The following MACROD2 variants were observed in gnomAD, a reference collection of about 807,000 sequenced individuals.
MACROD2 encodes the protein mono-ADP ribosylhydrolase 2.
MACROD2 carries 36 observed loss-of-function variants against 70.4 expected under a neutral mutation model. The observed-to-expected ratio is 0.51, with a 90% CI of 0.39 to 0.68. The LOEUF (loss-of-function observed/expected upper bound fraction) is 0.68. MACROD2 is among the 30% of genes least tolerant of loss of function. MACROD2 has a pLI of 0.00. For synonymous variants in MACROD2, 172 were observed against 178.8 expected (o/e 0.96, Z 0.30); for missense variants, 496 against 538.4 (o/e 0.92, Z 0.78).
At chr20:14,233,184 A>C (rs1451661816) in intron 3 of MACROD2, among the ~76,000 whole-genome samples, 2 of 152,162 alleles carry the variant, frequency 1.3e-5, no homozygotes, top group Admixed American at 6.5e-5. Flanking sequence ...TCACCATAAG[A>C]GATAAAATAA....
intron 8 of MACROD2, among the ~76,000 whole-genome samples, chr20:15,606,963 T>G (rs191596678): frequency 1.3e-5 from 2 of 150,142 alleles, no homozygotes; most frequent in Non-Finnish European, 3.0e-5. Flanking sequence ...GATCGCACCA[T>G]TGCACTCCAG....
intron 3 of MACROD2, among the ~76,000 whole-genome samples, chr20:14,194,489 A>C (rs1478657225): frequency 6.6e-6 from 1 of 152,172 alleles, no homozygotes; most frequent in African/African-American, 2.4e-5. Flanking sequence ...CTGCTGAGAC[A>C]AATTCATAAG....
chr20:14,646,851 C>T (rs1173041101), intron 4 of MACROD2, among the ~76,000 whole-genome samples: 1 of 152,044 alleles, frequency 6.6e-6, no homozygotes, highest in Admixed American at 6.6e-5. Context: ...ACCATGTCGA[C>T]TTCCTGTCTC....
chr20:14,433,398 A>C (rs912507792), intron 3 of MACROD2, among the ~76,000 whole-genome samples: 1 of 152,176 alleles, frequency 6.6e-6, no homozygotes, highest in Non-Finnish European at 1.5e-5. Context: ...TTGCTTGACA[A>C]CTATTTAATT....
intron 6 of MACROD2, among the ~76,000 whole-genome samples, chr20:15,277,434 C>G (rs983817841): frequency 6.6e-6 from 1 of 152,132 alleles, no homozygotes; most frequent in African/African-American, 2.4e-5. Context: ...ATGGGTGAAC[C>G]AACAGAGTTC....
At chr20:14,830,737 G>A (rs533909576) in intron 5 of MACROD2, among the ~76,000 whole-genome samples, 13 of 152,254 alleles carry the variant, frequency 8.5e-5, no homozygotes, top group African/African-American at 2.9e-4. Flanking sequence ...AGATCCCCAA[G>A]GGAAGGGCTT....
intron 6 of MACROD2, among the ~76,000 whole-genome samples, chr20:15,242,671 G>A (rs1178830678): frequency 6.6e-6 from 1 of 151,970 alleles, no homozygotes; most frequent in Non-Finnish European, 1.5e-5. Context: ...CATATTTGTG[G>A]TATCTAATAA....
intron 5 of MACROD2, among the ~76,000 whole-genome samples, chr20:14,987,193 T>G (rs190126434): frequency 6.6e-6 from 1 of 152,278 alleles, no homozygotes; most frequent in Admixed American, 6.5e-5. Context: ...TAAAAGTAAG[T>G]ATTTTTGAGT....
At chr20:14,670,868 G>A (rs866487173) in intron 4 of MACROD2, among the ~76,000 whole-genome samples, 6 of 152,096 alleles carry the variant, frequency 3.9e-5, no homozygotes, top group African/African-American at 1.4e-4. Context: ...GGCTGCTGAA[G>A]TCTTACCCCC....
intron 2 of MACROD2, among the ~76,000 whole-genome samples, chr20:14,067,815 A>T (rs914991756): frequency 5.3e-5 from 8 of 152,186 alleles, no homozygotes; most frequent in Admixed American, 5.2e-4. Flanking sequence ...GCTGATTCTT[A>T]TGAGGCAGTT....
At chr20:14,160,778 T>A (rs957539965) in intron 3 of MACROD2, among the ~76,000 whole-genome samples, 1 of 152,130 alleles carries the variant, frequency 6.6e-6, no homozygotes, top group African/African-American at 2.4e-5. Flanking sequence ...TTTTTCCTGC[T>A]TTTTTAGTTC....
intron 8 of MACROD2, among the ~76,000 whole-genome samples, chr20:15,767,602 T>C (rs2051549283): frequency 6.6e-6 from 1 of 152,226 alleles, no homozygotes; most frequent in Non-Finnish European, 1.5e-5. Context: ...TGCCTTGAAG[T>C]GCATGATTTT....
intron 8 of MACROD2, among the ~76,000 whole-genome samples, chr20:15,719,359 C>T (rs2050752222): frequency 6.6e-6 from 1 of 152,192 alleles, no homozygotes; most frequent in African/African-American, 2.4e-5. Context: ...TTGTTTTCAG[C>T]ATGCTGTCAT....
intron 5 of MACROD2, among the ~76,000 whole-genome samples, chr20:15,197,280 A>G (rs2076614267): frequency 6.6e-6 from 1 of 152,172 alleles, no homozygotes; most frequent in African/African-American, 2.4e-5. Flanking sequence ...TCTATATTTT[A>G]CACAAAAAGA....
chr20:15,626,023 A>ACCT (rs1452127926), intron 8 of MACROD2, among the ~76,000 whole-genome samples: 2 of 151,558 alleles, frequency 1.3e-5, no homozygotes, highest in African/African-American at 2.4e-5. Context: ...TGGGCGAGTC[A>ACCT]CCTTAGTCCA....
At chr20:15,212,127 T>A (rs1434443827) in intron 5 of MACROD2, among the ~76,000 whole-genome samples, 1 of 152,230 alleles carries the variant, frequency 6.6e-6, no homozygotes, top group Non-Finnish European at 1.5e-5. Flanking sequence ...CACTATTTCA[T>A]GTACTTATTG....
At chr20:15,846,218 C>T (rs1245291282) in intron 8 of MACROD2, among the ~76,000 whole-genome samples, 1 of 152,170 alleles carries the variant, frequency 6.6e-6, no homozygotes, top group African/African-American at 2.4e-5. Context: ...CTCAGGCTAT[C>T]CTCCATGAAC....
At chr20:16,010,933 C>G (rs1352032311) in intron 15 of MACROD2, among the ~76,000 whole-genome samples, 1 of 152,200 alleles carries the variant, frequency 6.6e-6, no homozygotes, top group African/African-American at 2.4e-5. Context: ...AGAAACCAAG[C>G]CAGTGCTTTT....
chr20:14,872,080 T>C (rs2073495012), intron 5 of MACROD2, among the ~76,000 whole-genome samples: 1 of 152,078 alleles, frequency 6.6e-6, no homozygotes, highest in Non-Finnish European at 1.5e-5. Flanking sequence ...TGTGAGACTT[T>C]AGCACTCCAC....
Sources: allele counts gnomAD v4.1 joint callset (sites outside exome capture counted in the v4.1 genomes callset), GRCh38; gene constraint gnomAD v4.1.1; transcripts MANE v1.5; gene names NCBI Gene and HGNC (gene_info 2026-07-23, HGNC 2026-07-21).